NXN: variants seen among roughly 807,000 people sequenced by gnomAD.
The protein encoded by NXN is nucleoredoxin, also known as nucleoredoxin 1.
In NXN, 16 loss-of-function variants were observed where a neutral mutation model predicts 48.6. That is an observed-to-expected ratio of 0.33 (90% confidence interval 0.22 to 0.50). The LOEUF (loss-of-function observed/expected upper bound fraction) is 0.50, where lower values mean the gene tolerates loss of function less well. Ranked by LOEUF, NXN falls within the 20% of genes least tolerant of loss-of-function variation. The pLI is 0.98. For synonymous variants in NXN, 281 were observed against 269.6 expected, an observed-to-expected ratio of 1.04 and a Z score of -0.41; for missense variants, 492 against 605.5, an observed-to-expected ratio of 0.81 and a Z score of 1.97.
chr17:967,775 T>G (rs1180376682), intron 1 of NXN, among the ~76,000 whole-genome samples: 1 of 152,052 alleles, frequency 6.6e-6, no homozygotes, highest in Non-Finnish European at 1.5e-5. Flanking sequence ...ATCAAGACCA[T>G]CCTGGCTAAT....
intron 1 of NXN, among the ~76,000 whole-genome samples, chr17:977,055 C>T (rs1346892035): frequency 6.6e-6 from 1 of 152,238 alleles, no homozygotes; most frequent in Middle Eastern, 3.4e-3. Context: ...CATGAGCCAC[C>T]GCACCCGGCA....
At chr17:864,218 C>T in intron 1 of NXN, 1 of 1,274,096 alleles carries the variant, frequency 7.8e-7, no homozygotes, top group Non-Finnish European at 1.0e-6. Context: ...GATGGGCATT[C>T]ATGGTACTTG....
intron 1 of NXN, among the ~76,000 whole-genome samples, chr17:860,047 C>T (rs1044602107): frequency 6.6e-6 from 1 of 152,086 alleles, no homozygotes; most frequent in Admixed American, 6.5e-5. Context: ...CTAAGGAAAA[C>T]GCTCACTCCC....
chr17:812,320 T>C (rs1221309309), intron 5 of NXN, among the ~76,000 whole-genome samples: 1 of 152,100 alleles, frequency 6.6e-6, no homozygotes, highest in African/African-American at 2.4e-5. Context: ...ACTGCCCCAG[T>C]GTAAGTCCAA....
At chr17:807,345 G>A (rs565987683) in intron 5 of NXN, among the ~76,000 whole-genome samples, 19 of 152,316 alleles carry the variant, frequency 1.2e-4, no homozygotes, top group African/African-American at 2.6e-4. Context: ...CAGGCCCCGC[G>A]GCCAGCCTGC....
chr17:931,570 C>T (rs1258379328), intron 1 of NXN, among the ~76,000 whole-genome samples: 2 of 151,992 alleles, frequency 1.3e-5, no homozygotes, highest in Admixed American at 6.6e-5. Flanking sequence ...GGCGCAGTGG[C>T]TCACACCTGT....
intron 1 of NXN, among the ~76,000 whole-genome samples, chr17:954,370 G>GACTCC (rs995775594): frequency 2.0e-5 from 3 of 152,268 alleles, no homozygotes; most frequent in Non-Finnish European, 2.9e-5. Context: ...GACAGAGCAA[G>GACTCC]ACTCCATCTC....
intron 1 of NXN, among the ~76,000 whole-genome samples, chr17:862,691 C>G (rs2068053150): frequency 6.6e-6 from 1 of 152,246 alleles, no homozygotes; most frequent in African/African-American, 2.4e-5. Flanking sequence ...GTAGAGTGAT[C>G]TGGCAGACAT....
intron 1 of NXN, among the ~76,000 whole-genome samples, chr17:872,515 T>C (rs1433585108): frequency 6.6e-6 from 1 of 151,842 alleles, no homozygotes; most frequent in Non-Finnish European, 1.5e-5. Context: ...GCCTATGGTG[T>C]TTAATCTTCA....
intron 1 of NXN, among the ~76,000 whole-genome samples, chr17:905,756 TG>T (rs1271440806): frequency 6.6e-6 from 1 of 152,010 alleles, no homozygotes; most frequent in Non-Finnish European, 1.5e-5. Flanking sequence ...GCGGGAGGAC[TG>T]CTTGAGCCCA....
At chr17:858,626 G>T (rs2068010581) in intron 1 of NXN, among the ~76,000 whole-genome samples, 1 of 152,016 alleles carries the variant, frequency 6.6e-6, no homozygotes, top group African/African-American at 2.4e-5. Flanking sequence ...TGCTGGGGAG[G>T]CTGAGACAGC....
intron 1 of NXN, among the ~76,000 whole-genome samples, chr17:972,237 G>A (rs1158602959): frequency 6.6e-6 from 1 of 152,086 alleles, no homozygotes; most frequent in African/African-American, 2.4e-5. Flanking sequence ...AGAAGGCAGA[G>A]GTCACGGTGA....
intron 1 of NXN, among the ~76,000 whole-genome samples, chr17:875,033 T>C (rs892286320): frequency 6.6e-6 from 1 of 152,106 alleles, no homozygotes; most frequent in African/African-American, 2.4e-5. Context: ...ACTACCTTTT[T>C]TCTTTTTTTT....
intron 5 of NXN, among the ~76,000 whole-genome samples, chr17:812,138 AG>A (rs1912080415): frequency 6.6e-6 from 1 of 150,674 alleles, no homozygotes; most frequent in East Asian, 2.0e-4. Flanking sequence ...CGTGTTAGCC[AG>A]GACGGTCTCG....
chr17:836,066 C>T (rs1236668060), intron 1 of NXN, among the ~76,000 whole-genome samples: 1 of 71,684 alleles, frequency 1.4e-5, no homozygotes, highest in Non-Finnish European at 2.9e-5. Context: ...CGTCAGCCCC[C>T]ACAGAGGCCG....
At position 979,438 on chromosome 17, in the gene NXN, C is replaced by T; in HGVS notation, c.241G>A (p.Glu81Lys). The T allele has an allele frequency of 7.8e-7, 1 of 1,280,358 alleles. No homozygotes were observed. 79.3% of individuals were successfully genotyped at this position (1,280,358 alleles called of 1,614,324 possible). ...GAGAGAAAEP[E>K]PRRRLEIVFV... ...ACGATCTCCAGGCGCCGCCGCGGCT[C>T]GGGCTCCGCCGCCGCCCCGGCCCCC... Residue 81 changes from glutamate (E) to lysine (K), a missense_variant, in exon 1 of 8, where the codon GAG (glutamate) becomes AAG (lysine). Glu to Lys is a moderately conservative substitution (Grantham distance 56). Around this residue, in one of 3 missense-constraint regions of NXN, gnomAD observed 186 missense variants for 199.1 expected, o/e 0.93. Transcript: ENST00000336868.
intron 1 of NXN, among the ~76,000 whole-genome samples, chr17:874,742 T>A (rs2068196106): frequency 6.6e-6 from 1 of 151,614 alleles, no homozygotes; most frequent in East Asian, 2.0e-4. Context: ...AAATAAACAA[T>A]TACCCAGTCT....
Position 799,319 on chromosome 17 carries a change from C to G in NXN, c.*1630G>C, listed in dbSNP as rs955895422. On this transcript the variant is annotated 3_prime_UTR_variant, in exon 8 of 8. Transcript: ENST00000336868. ...CACAAGCAAAAACAACTTTTGTGAT[C>G]AAGGACAGCAGAGGCCCAGGGTGGA... 2.6e-5 allele frequency: 4 copies of G among 152,330 alleles called. No individual in the cohort carries two copies. Among genetic ancestry groups the G allele is most frequent in the African/African-American group, 9.6e-5 (4 of 41,452 alleles). 9.4% of individuals were successfully genotyped at this position (152,330 alleles called of 1,614,324 possible).
At chr17:828,436 C>CA (rs1913258992) in intron 1 of NXN, among the ~76,000 whole-genome samples, 2 of 131,226 alleles carry the variant, frequency 1.5e-5, no homozygotes, top group African/African-American at 6.0e-5. Flanking sequence ...GAGTCTTACT[C>CA]TGTCACCCAG....
Sources: gnomAD v4.1 joint callset for allele counts (sites outside exome capture counted in the v4.1 genomes callset) on GRCh38, gnomAD v4.1.1 for gene constraint, gnomAD v4.1.1 regional missense constraint, MANE v1.5 for transcripts, NCBI Gene and HGNC (gene_info 2026-07-23, HGNC 2026-07-21) for gene names.